The following APC variants were observed in gnomAD, a reference collection of about 807,000 sequenced individuals.
APC encodes the protein adenomatous polyposis coli protein.
APC carries 72 observed loss-of-function variants against 247.0 expected under a neutral mutation model. The ratio of observed to expected loss-of-function variants is 0.29; its 90% CI spans 0.24 to 0.35. The LOEUF (loss-of-function observed/expected upper bound fraction) is 0.35. Ranked by LOEUF, APC falls within the 10% of genes least tolerant of loss-of-function variation. The pLI is 1.00. For synonymous variants in APC, 1,254 were observed against 1,162.5 expected (o/e 1.08, Z -1.60); for missense variants, 3,400 against 3,360.7 (o/e 1.01, Z -0.29).
chr5:112,757,569 CA>C, intron 2 of APC, among the ~76,000 whole-genome samples: 1 of 151,812 alleles, frequency 6.6e-6, no homozygotes, highest in East Asian at 1.9e-4. Flanking sequence ...TCTGTTTCTG[CA>C]AAAAAATACA....
chr5:112,723,739 T>G (rs1581032214), intron 1 of APC, among the ~76,000 whole-genome samples: 1 of 152,358 alleles, frequency 6.6e-6, no homozygotes, highest in East Asian at 1.9e-4. Context: ...TAATGCTATT[T>G]CTAGAGGAAA....
rs9282598 is a variant in APC at position 112,827,082 on chromosome 5, T to G, written c.1409-26T>G. 8.9e-4 allele frequency: 1,428 copies of G among 1,612,768 alleles called. 20 individuals are homozygous for G. The South Asian group carries it at 0.014, about 15-fold the overall frequency. On this transcript the variant is annotated intron_variant, in intron 11 of 15. Transcript: ENST00000257430. ...TTTGTTTTATTTTAGATGATTGTCT[T>G]TTTCCTCTTGCCCTTTTTAAATTAG...
chr5:112,767,437 ATTG>A (rs776612038), intron 4 of APC, 47 bp downstream of exon 4: 1 of 1,393,048 alleles, frequency 7.2e-7, no homozygotes, highest in Non-Finnish European at 1.0e-6. Flanking sequence ...ACTCCAGTTT[ATTG>A]TTATTTTGTA....
chr5:112,791,022 G>T (rs1291171211), intron 6 of APC, among the ~76,000 whole-genome samples: 1 of 152,048 alleles, frequency 6.6e-6, no homozygotes, highest in East Asian at 1.9e-4. Flanking sequence ...GTCAGTACTT[G>T]TTTTTAAAAC....
chr5:112,842,307 A>G lies in APC; in HGVS notation c.6713A>G (p.Asn2238Ser), dbSNP rs1766281998. The G allele has an allele frequency of 6.2e-7, 1 of 1,613,878 alleles. No individual in the cohort carries two copies. Among genetic ancestry groups the G allele is most frequent in the Non-Finnish European group, 8.5e-7 (1 of 1,179,794 alleles). ...ATGATTCATATTCCAGGAGTTCGAA[A>G]TAGCTCCTCAAGTACAAGTCCTGTT... is the stretch of plus-strand genomic sequence containing the variant. ...RTMIHIPGVR[N>S]SSSSTSPVSK... The change falls in exon 16 of 16, where the codon AAT becomes AGT. Residue 2238 changes from asparagine to serine, a missense_variant. By Grantham distance (46) the Asn-to-Ser change is conservative. This residue lies in a region of APC where 1,788 missense variants were observed against 1,649.5 expected (regional missense o/e 1.08). Transcript: ENST00000257430.
At chr5:112,721,388 T>G (rs576329234) in intron 1 of APC, among the ~76,000 whole-genome samples, 71 of 152,206 alleles carry the variant, frequency 4.7e-4, no homozygotes, top group African/African-American at 1.6e-3. Context: ...CACTCTAGCC[T>G]TGGCAACAGT....
intron 1 of APC, among the ~76,000 whole-genome samples, chr5:112,720,495 T>C (rs1751423196): frequency 6.6e-6 from 1 of 152,242 alleles, no homozygotes; most frequent in African/African-American, 2.4e-5. Flanking sequence ...AAGTCTCTCA[T>C]GAACCCTCCC....
At chr5:112,728,323 G>A (rs1459228983) in intron 1 of APC, among the ~76,000 whole-genome samples, 1 of 151,962 alleles carries the variant, frequency 6.6e-6, no homozygotes, top group Non-Finnish European at 1.5e-5. Context: ...GTAGAGACGG[G>A]GTTTCACCAT....
chr5:112,816,656 G>A (rs1257752919), intron 9 of APC, among the ~76,000 whole-genome samples: 1 of 151,650 alleles, frequency 6.6e-6, no homozygotes, highest in Non-Finnish European at 1.5e-5. Flanking sequence ...AGCCAGGCAT[G>A]GTGGCACATG....
intron 5 of APC, among the ~76,000 whole-genome samples, chr5:112,780,307 T>A (rs1758183449): frequency 6.6e-6 from 1 of 152,178 alleles, no homozygotes; most frequent in Admixed American, 6.5e-5. Context: ...CTCATTTGAT[T>A]AATGAAAAAG....
intron 1 of APC, among the ~76,000 whole-genome samples, chr5:112,722,174 T>G (rs1170316500): frequency 6.6e-6 from 1 of 152,190 alleles, no homozygotes; most frequent in Non-Finnish European, 1.5e-5. Flanking sequence ...GTTGATTAAT[T>G]TATTGTACAT....
intron 1 of APC, among the ~76,000 whole-genome samples, chr5:112,712,163 C>T (rs1750890132): frequency 6.6e-6 from 1 of 152,160 alleles, no homozygotes; most frequent in Non-Finnish European, 1.5e-5. Context: ...TAACCAGTGT[C>T]CTCAAGGTTC....
rs745442170 is a variant in APC, at chr5:112,835,216, A to G, written c.1958+51A>G. On this transcript the variant is annotated intron_variant, in intron 15 of 15. Coordinates refer to ENST00000257430, the MANE Select transcript of APC (RefSeq NM_000038.6). Reference sequence around the variant, plus strand: ...TTAAAGTACAGAATTCATACTCTCAAAAAGACCTAATTGTAAGCAATGTTT... The same window carrying G: ...TTAAAGTACAGAATTCATACTCTCAGAAAGACCTAATTGTAAGCAATGTTT... The G allele has an allele frequency of 1.6e-5, 23 of 1,463,036 alleles. No individual in the cohort carries two copies. The East Asian group carries it at 4.6e-4, about 29-fold the overall frequency. 90.6% of individuals were successfully genotyped at this position (1,463,036 alleles called of 1,614,324 possible).
At chr5:112,783,250 G>A (rs971854527) in intron 6 of APC, among the ~76,000 whole-genome samples, 1 of 152,086 alleles carries the variant, frequency 6.6e-6, no homozygotes, top group African/African-American at 2.4e-5. Flanking sequence ...GTTCACATAA[G>A]CGCTGATACT....
chr5:112,784,392 A>G (rs1002621050), intron 6 of APC, among the ~76,000 whole-genome samples: 1 of 152,214 alleles, frequency 6.6e-6, no homozygotes, highest in African/African-American at 2.4e-5. Flanking sequence ...TGTTCTTTTA[A>G]GAATAAATTG....
chr5:112,807,774 A>G (rs1205078013), intron 8 of APC, among the ~76,000 whole-genome samples: 2 of 152,086 alleles, frequency 1.3e-5, no homozygotes, highest in Non-Finnish European at 2.9e-5. Context: ...TTAACCTCCC[A>G]TTTTATTTTT....
chr5:112,754,591 T>C (rs959851935), intron 1 of APC, among the ~76,000 whole-genome samples: 7 of 152,182 alleles, frequency 4.6e-5, no homozygotes, highest in African/African-American at 1.7e-4. Flanking sequence ...AAATTATTAC[T>C]TGATAGAAAG....
rs1186442594 is a variant in APC, at chr5:112,779,166, AAT to A, written c.532-1623_532-1622del. Among the ~76,000 whole-genome samples the A allele has an allele frequency of 5.3e-5, 8 of 152,218 alleles. No homozygotes were observed. The East Asian group carries it at 1.5e-3, about 29-fold the overall frequency. On this transcript the variant is annotated intron_variant, in intron 5 of 15. Transcript: ENST00000257430. Reference sequence around the variant, plus strand: ...CTCCTGGGAATTAAGGAGCACAGATAATGAGAGAACAGTTATTGTTAGCCTGT... The same window carrying A: ...CTCCTGGGAATTAAGGAGCACAGATAGAGAGAACAGTTATTGTTAGCCTGT...
At chr5:112,810,840 C>T (rs1761912034) in intron 8 of APC, among the ~76,000 whole-genome samples, 1 of 152,166 alleles carries the variant, frequency 6.6e-6, no homozygotes, top group African/African-American at 2.4e-5. Flanking sequence ...GCCTGGCCAA[C>T]ATGGTGAAAC....
Sources: gnomAD v4.1 joint callset for allele counts (sites outside exome capture counted in the v4.1 genomes callset) on GRCh38, gnomAD v4.1.1 for gene constraint, gnomAD v4.1.1 regional missense constraint, MANE v1.5 for transcripts, NCBI Gene and HGNC (gene_info 2026-07-23, HGNC 2026-07-21) for gene names.